ELL: variants seen among roughly 807,000 people sequenced by gnomAD.
The protein encoded by ELL is elongation factor for RNA polymerase II.
A neutral mutation model predicts 64.0 loss-of-function variants in ELL; 18 were observed. The ratio of observed to expected loss-of-function variants is 0.28; its 90% confidence interval spans 0.19 to 0.42. The LOEUF is 0.42. ELL is among the 10% of genes least tolerant of loss of function. The pLI is 1.00. For missense variants in ELL, 797 were observed against 870.4 expected, an observed-to-expected ratio of 0.92 and a Z score of 1.06; for synonymous variants, 399 against 376.2, an observed-to-expected ratio of 1.06 and a Z score of -0.70.
intron 1 of ELL, among the ~76,000 whole-genome samples, chr19:18,502,522 C>A (rs911952682): frequency 6.6e-6 from 1 of 152,214 alleles, no homozygotes; most frequent in Non-Finnish European, 1.5e-5. Flanking sequence ...CCAGCCGCAT[C>A]AGGAGCAGAC....
chr19:18,461,732 C>T lies in ELL; in HGVS notation c.590G>A (p.Ser197Asn). 6.2e-7 allele frequency: 1 copy of T among 1,613,926 alleles called. No individual in the cohort carries two copies. Among genetic ancestry groups the T allele is most frequent in the Non-Finnish European group, 8.5e-7 (1 of 1,180,010 alleles). Residue 197 changes from serine (S) to asparagine (N), a missense_variant, in exon 5 of 12, where the codon AGT (serine) becomes AAT (asparagine). By Grantham distance (46) the Ser-to-Asn change is conservative (BLOSUM62 1). Transcript: ENST00000262809. ...AIRKSGASAV[S>N]GGSGVSQRPF... ...CCTCTGGGACACCCCGCTGCCCCCA[C>T]TCACGGCACTGGCACCACTCTTCCT... is the stretch of plus-strand genomic sequence containing the variant.
chr19:18,518,033 C>T (rs918599549), intron 1 of ELL, among the ~76,000 whole-genome samples: 5 of 151,424 alleles, frequency 3.3e-5, no homozygotes, highest in African/African-American at 7.3e-5. Context: ...CCAGCCTGAC[C>T]AACATGGTAA....
rs1184641332 is a variant in ELL at position 18,444,884 on chromosome 19, G to A, written c.1750-16C>T. On this transcript the variant is annotated splice_polypyrimidine_tract_variant and intron_variant, in intron 11 of 11. Transcript: ENST00000262809. ...TGGTGTTGGTCTGTGGGACAGCACAGTCATGCTCAGGACAGAGCCGCCCTG... is the reference window on the plus strand; with the variant it reads ...TGGTGTTGGTCTGTGGGACAGCACAATCATGCTCAGGACAGAGCCGCCCTG... The A allele has an allele frequency of 3.7e-6, 6 of 1,607,284 alleles. No individual in the cohort carries two copies. Among genetic ancestry groups the A allele is most frequent in the African/African-American group, 2.7e-5 (2 of 74,840 alleles).
rs777043107 is a variant in ELL, at chr19:18,465,827, C to A, written c.275G>T (p.Ser92Ile). Residue 92 changes from serine to isoleucine, a missense_variant, in exon 3 of 12, where the codon AGC (serine) becomes ATC (isoleucine). By Grantham distance (142) the Ser-to-Ile change is moderately radical. Coordinates refer to ENST00000262809, the MANE Select transcript of ELL (RefSeq NM_006532.4). ...GACATACTGCTGGATGCAGTCGAAG[C>A]TGCCCTGGGGGTTGTCGCGGCCGAT... ...SNIGRDNPQG[S>I]FDCIQQYVSS... The A allele has an allele frequency of 1.5e-6, 2 of 1,367,430 alleles. No homozygotes were observed. Among genetic ancestry groups the A allele is most frequent in the East Asian group, 5.5e-5 (2 of 36,488 alleles). 84.7% of individuals were successfully genotyped at this position (1,367,430 alleles called of 1,614,324 possible).
intron 1 of ELL, among the ~76,000 whole-genome samples, chr19:18,506,745 G>A (rs1346958948): frequency 2.0e-5 from 3 of 152,238 alleles, no homozygotes; most frequent in African/African-American, 4.8e-5. Flanking sequence ...GCAGACTTCC[G>A]TTCAACAGCA....
At chr19:18,510,872 A>G (rs758051913) in intron 1 of ELL, among the ~76,000 whole-genome samples, 1 of 152,222 alleles carries the variant, frequency 6.6e-6, no homozygotes, top group Non-Finnish European at 1.5e-5. Flanking sequence ...CTCTAATCCC[A>G]GCACTTTGGG....
Position 18,450,844 on chromosome 19 carries a change from C to A in ELL, c.1098G>T (p.Leu366=). The A allele has an allele frequency of 1.3e-6, 2 of 1,591,126 alleles. No homozygotes were observed. Among genetic ancestry groups the A allele is most frequent in the Non-Finnish European group, 1.7e-6 (2 of 1,167,358 alleles). Residue 366 remains leucine (L), a synonymous_variant, in exon 8 of 12, where the codon CTG becomes CTT. Coordinates refer to ENST00000262809, the MANE Select transcript of ELL (RefSeq NM_006532.4). ...TGCTGGCTGGTGGGCCCGGGGTGGG[C>A]AGCAAGGCCTCACGGCCATTGGGCA... is the stretch of plus-strand genomic sequence containing the variant. ...LGVPNGREAL[L]PTPGPPASTD... is the part of the protein sequence containing the mutation.
intron 1 of ELL, among the ~76,000 whole-genome samples, chr19:18,519,020 T>C (rs76195): frequency 0.47 from 70,910 of 151,680 alleles, 19,202 homozygotes; most frequent in African/African-American, 0.76. Context: ...AGCAAGTTCC[T>C]TTCTAGCCCC....
intron 1 of ELL, among the ~76,000 whole-genome samples, chr19:18,491,243 T>A (rs1273131553): frequency 8.0e-6 from 1 of 124,430 alleles, no homozygotes; most frequent in African/African-American, 2.9e-5. Flanking sequence ...CCACCACACC[T>A]GGCTAATTTT....
chr19:18,465,731 T>C (rs1402641641), intron 3 of ELL, 66 bp downstream of exon 3: 30 of 1,431,280 alleles, frequency 2.1e-5, no homozygotes, highest in Non-Finnish European at 2.8e-5. Context: ...ATCTCAACCC[T>C]GGGCCAGAGG....
chr19:18,447,706 C>T (rs1014571966), intron 8 of ELL, among the ~76,000 whole-genome samples: 5 of 152,104 alleles, frequency 3.3e-5, no homozygotes, highest in Admixed American at 1.3e-4. Context: ...CAATTTAGTG[C>T]GTTTTCTAGA....
At position 18,444,703 on chromosome 19, in the gene ELL, G is replaced by C; in HGVS notation, c.*49C>G. ...TTTTTTAAATAAATCCTCTCTCACC[G>C]CCTTTTGCTCCCCCGACCCTCCCAG... On this transcript the variant is annotated 3_prime_UTR_variant, in exon 12 of 12. Transcript: ENST00000262809. 6.6e-7 allele frequency: 1 copy of C among 1,513,060 alleles called. No homozygotes were observed. Among genetic ancestry groups the C allele is most frequent in the Non-Finnish European group, 8.9e-7 (1 of 1,121,818 alleles). 93.7% of individuals were successfully genotyped at this position (1,513,060 alleles called of 1,614,324 possible).
intron 1 of ELL, among the ~76,000 whole-genome samples, chr19:18,486,063 A>C (rs1289226876): frequency 6.6e-6 from 1 of 151,856 alleles, no homozygotes; most frequent in African/African-American, 2.4e-5. Flanking sequence ...GAAGCCCCTC[A>C]GCCACTGTTT....
intron 5 of ELL, among the ~76,000 whole-genome samples, chr19:18,461,320 G>A (rs1475790147): frequency 6.6e-6 from 1 of 152,240 alleles, no homozygotes; most frequent in Non-Finnish European, 1.5e-5. Flanking sequence ...CAGTGAAGGA[G>A]GGCCTGGGCT....
At chr19:18,472,018 A>G (rs1416228831) in intron 2 of ELL, among the ~76,000 whole-genome samples, 1 of 151,602 alleles carries the variant, frequency 6.6e-6, no homozygotes, top group African/African-American at 2.4e-5. Context: ...GCTGTAGTAC[A>G]ATGGTGCGAT....
chr19:18,456,961 G>GA (rs34664859), intron 6 of ELL, among the ~76,000 whole-genome samples: 2,411 of 137,670 alleles, frequency 0.018, 34 homozygotes, highest in African/African-American at 0.043. Context: ...TGCTAAATAG[G>GA]AAAAAAAAAA....
chr19:18,471,254 A>G, intron 2 of ELL: 1 of 363,692 alleles, frequency 2.7e-6, no homozygotes. Flanking sequence ...GTACACCAGT[A>G]GTCCCAACTA....
chr19:18,493,996 A>G (rs2144957174), intron 1 of ELL, among the ~76,000 whole-genome samples: 1 of 152,320 alleles, frequency 6.6e-6, no homozygotes, highest in South Asian at 2.1e-4. Context: ...AAATCCATCC[A>G]AGGACAGGCA....
At chr19:18,519,594 G>T (rs1976209440) in intron 1 of ELL, among the ~76,000 whole-genome samples, 1 of 152,156 alleles carries the variant, frequency 6.6e-6, no homozygotes, top group South Asian at 2.1e-4. Context: ...ATCACTGGAG[G>T]TCAGGAGTTC....
Sources: gnomAD v4.1 joint callset for allele counts (sites outside exome capture counted in the v4.1 genomes callset) on GRCh38, gnomAD v4.1.1 for gene constraint, MANE v1.5 for transcripts, NCBI Gene and HGNC (gene_info 2026-07-23, HGNC 2026-07-21) for gene names.